RBFOX1: variants seen among roughly 807,000 people sequenced by gnomAD.
RBFOX1 encodes RNA binding fox-1 homolog 1, also known as RNA binding protein fox-1 homolog 1.
In RBFOX1, 8 loss-of-function variants were observed where a neutral mutation model predicts 57.7. The ratio of observed to expected loss-of-function variants is 0.14; its 90% CI spans 0.08 to 0.25. The LOEUF (loss-of-function observed/expected upper bound fraction) is 0.25, where lower values mean the gene tolerates loss of function less well. Ranked by LOEUF, RBFOX1 falls within the 10% of genes least tolerant of loss-of-function variation. The pLI is 1.00. For synonymous variants in RBFOX1, 326 were observed against 222.4 expected (o/e 1.47, Z -4.15); for missense variants, 611 against 548.5 (o/e 1.11, Z -1.14).
At chr16:7,272,348 C>G (rs541303636) in intron 4 of RBFOX1, among the ~76,000 whole-genome samples, 55 of 152,164 alleles carry the variant, frequency 3.6e-4, no homozygotes, top group African/African-American at 1.2e-3. Context: ...CTACACCCAG[C>G]TAGTTTTTGT....
At chr16:5,767,553 C>A (rs897928681) in intron 3 of RBFOX1, among the ~76,000 whole-genome samples, 2 of 152,176 alleles carry the variant, frequency 1.3e-5, no homozygotes, top group African/African-American at 4.8e-5. Flanking sequence ...CCTACGAACC[C>A]TGCGTGAGTT....
At chr16:6,656,599 G>GACACACACACACACACACACACACAC (rs60723864) in intron 3 of RBFOX1, among the ~76,000 whole-genome samples, 1 of 146,312 alleles carries the variant, frequency 6.8e-6, no homozygotes, top group African/African-American at 2.5e-5. Context: ...GGGGAAAATA[G>GACACACACACACACACACACACACAC]ACACACACAC....
At chr16:7,503,858 C>T (rs949255269) in intron 4 of RBFOX1, among the ~76,000 whole-genome samples, 3 of 152,270 alleles carry the variant, frequency 2.0e-5, no homozygotes, top group East Asian at 3.9e-4. Context: ...TGATGGGCAG[C>T]CCCATCTGTC....
intron 1 of RBFOX1, among the ~76,000 whole-genome samples, chr16:5,391,228 A>G (rs138171424): frequency 6.6e-6 from 1 of 152,342 alleles, no homozygotes; most frequent in East Asian, 1.9e-4. Context: ...ACGGTTTAAA[A>G]CAATTCACAT....
intron 2 of RBFOX1, among the ~76,000 whole-genome samples, chr16:6,606,475 T>A (rs111872316): frequency 6.6e-6 from 1 of 152,140 alleles, no homozygotes; most frequent in African/African-American, 2.4e-5. Context: ...ACCTAGTTAT[T>A]AAGCCCCATA....
chr16:6,048,962 G>A (rs1337451883), intron 1 of RBFOX1, among the ~76,000 whole-genome samples: 1 of 151,828 alleles, frequency 6.6e-6, no homozygotes, highest in Admixed American at 6.6e-5. Flanking sequence ...TCCCTTGGAA[G>A]GAGCAATGTC....
intron 14 of RBFOX1, among the ~76,000 whole-genome samples, chr16:7,685,449 G>T (rs549189991): frequency 6.6e-6 from 1 of 152,060 alleles, no homozygotes; most frequent in Admixed American, 6.6e-5. Context: ...TAATTGCATA[G>T]ATTCACGCTA....
chr16:6,980,178 C>G (rs939745988), intron 3 of RBFOX1, among the ~76,000 whole-genome samples: 1 of 152,134 alleles, frequency 6.6e-6, no homozygotes, highest in Non-Finnish European at 1.5e-5. Flanking sequence ...GTTAGGATTT[C>G]TATTATTTGC....
At chr16:7,377,698 C>A (rs756208726) in intron 4 of RBFOX1, among the ~76,000 whole-genome samples, 1 of 152,162 alleles carries the variant, frequency 6.6e-6, no homozygotes, top group Non-Finnish European at 1.5e-5. Flanking sequence ...TTGTAGAGAA[C>A]CTATCTGGGA....
chr16:6,541,462 A>T (rs976500737), intron 2 of RBFOX1, among the ~76,000 whole-genome samples: 1 of 152,196 alleles, frequency 6.6e-6, no homozygotes, highest in Non-Finnish European at 1.5e-5. Context: ...GACAGTGAAT[A>T]GGTAAGTCAG....
chr16:6,841,951 A>G (rs1192214018), intron 3 of RBFOX1, among the ~76,000 whole-genome samples: 2 of 150,154 alleles, frequency 1.3e-5, no homozygotes, highest in African/African-American at 4.9e-5. Context: ...ATCCTGGCTA[A>G]TACGGTGAAA....
intron 3 of RBFOX1, among the ~76,000 whole-genome samples, chr16:6,967,865 G>C (rs553865342): frequency 8.5e-5 from 13 of 152,112 alleles, no homozygotes; most frequent in Non-Finnish European, 1.5e-4. Flanking sequence ...CTGAAGAATT[G>C]GGTTGTCAGT....
At chr16:6,195,440 G>A (rs1486730933) in intron 1 of RBFOX1, among the ~76,000 whole-genome samples, 4 of 152,168 alleles carry the variant, frequency 2.6e-5, no homozygotes, top group Non-Finnish European at 5.9e-5. Flanking sequence ...AGAATGGGCC[G>A]GGCGCAGTGG....
chr16:6,574,116 C>G (rs1172520071), intron 2 of RBFOX1, among the ~76,000 whole-genome samples: 1 of 152,180 alleles, frequency 6.6e-6, no homozygotes, highest in East Asian at 1.9e-4. Context: ...AACACTTGAG[C>G]TGCACACTCA....
At chr16:5,609,883 G>A (rs2047713696) in intron 3 of RBFOX1, among the ~76,000 whole-genome samples, 1 of 151,690 alleles carries the variant, frequency 6.6e-6, no homozygotes, top group African/African-American at 2.4e-5. Context: ...GTGGGGGCGG[G>A]GTGGAAGACA....
intron 1 of RBFOX1, among the ~76,000 whole-genome samples, chr16:6,290,970 A>C (rs2152721686): frequency 6.6e-6 from 1 of 152,184 alleles, no homozygotes; most frequent in Admixed American, 6.5e-5. Context: ...CTGGTTGCCT[A>C]TTTTTGTGGT....
chr16:6,244,622 G>C (rs1029473286), intron 1 of RBFOX1, among the ~76,000 whole-genome samples: 1 of 152,166 alleles, frequency 6.6e-6, no homozygotes, highest in Admixed American at 6.5e-5. Flanking sequence ...CAATTCTCCT[G>C]CCTCAGCCTC....
At chr16:6,717,404 A>C (rs1021441909) in intron 3 of RBFOX1, among the ~76,000 whole-genome samples, 2 of 152,118 alleles carry the variant, frequency 1.3e-5, no homozygotes, top group Non-Finnish European at 2.9e-5. Context: ...AGTCTTTTCT[A>C]CTACAGCATA....
intron 2 of RBFOX1, among the ~76,000 whole-genome samples, chr16:6,431,487 G>T (rs1250790627): frequency 6.6e-6 from 1 of 152,042 alleles, no homozygotes; most frequent in Non-Finnish European, 1.5e-5. Context: ...AGGCAGACCA[G>T]GTATCTGAGT....
Sources: gnomAD v4.1 joint callset for allele counts (sites outside exome capture counted in the v4.1 genomes callset) on GRCh38, gnomAD v4.1.1 for gene constraint, MANE v1.5 for transcripts, NCBI Gene and HGNC (gene_info 2026-07-23, HGNC 2026-07-21) for gene names.